The following ACYP2 variants were observed in gnomAD, a reference collection of about 807,000 sequenced individuals.
ACYP2 encodes the protein acylphosphatase 2.
A neutral mutation model predicts 11.2 loss-of-function variants in ACYP2; 12 were observed. That is an observed-to-expected ratio of 1.08 (90% CI 0.69 to 1.74). The LOEUF is 1.74. Ranked by LOEUF, ACYP2 falls within the 40% of genes most tolerant of loss-of-function variation. The probability of loss-of-function intolerance (pLI) is 0.00; values close to 1 mark genes in which losing one functional copy is unlikely to be tolerated. For missense variants in ACYP2, 134 were observed against 101.9 expected, an observed-to-expected ratio of 1.31 and a Z score of -1.35; for synonymous variants, 43 against 32.2, an observed-to-expected ratio of 1.33 and a Z score of -1.13.
intron 2 of ACYP2, among the ~76,000 whole-genome samples, chr2:54,033,024 G>GTGT (rs1260827742): frequency 6.6e-6 from 1 of 152,164 alleles, no homozygotes; most frequent in East Asian, 1.9e-4. Context: ...TGTATGTACA[G>GTGT]TGTTGGGTAT....
At chr2:54,194,275 A>G (rs772410360) in intron 6 of ACYP2, among the ~76,000 whole-genome samples, 24 of 152,070 alleles carry the variant, frequency 1.6e-4, no homozygotes, top group Admixed American at 4.6e-4. Context: ...CCTGACCTCA[A>G]GTGATCCACC....
intron 4 of ACYP2, among the ~76,000 whole-genome samples, chr2:54,070,024 G>A (rs530180559): frequency 2.0e-5 from 3 of 152,040 alleles, no homozygotes; most frequent in South Asian, 2.1e-4. Flanking sequence ...TAATCCCAGC[G>A]CTTTGGGAGG....
intron 4 of ACYP2, among the ~76,000 whole-genome samples, chr2:54,075,335 C>G (rs1226624498): frequency 1.3e-5 from 2 of 152,074 alleles, no homozygotes; most frequent in Non-Finnish European, 2.9e-5. Flanking sequence ...CCCGTTTCTA[C>G]TAAAAATACA....
chr2:54,191,109 T>C (rs1360282988), intron 6 of ACYP2, among the ~76,000 whole-genome samples: 2 of 152,136 alleles, frequency 1.3e-5, no homozygotes, highest in South Asian at 2.1e-4. Flanking sequence ...TCTGAGACTA[T>C]TGCAGTAGCT....
chr2:53,979,537 G>A (rs1671651117), intron 2 of ACYP2, among the ~76,000 whole-genome samples: 1 of 151,420 alleles, frequency 6.6e-6, no homozygotes, highest in Admixed American at 6.6e-5. Context: ...TGAGGCAGGA[G>A]AATCACTTGA....
chr2:54,046,598 CA>C (rs1675538499), intron 2 of ACYP2, among the ~76,000 whole-genome samples: 2 of 151,546 alleles, frequency 1.3e-5, no homozygotes, highest in South Asian at 2.1e-4. Flanking sequence ...ACGGCCTCGA[CA>C]AAATATTTGT....
intron 6 of ACYP2, among the ~76,000 whole-genome samples, chr2:54,295,358 C>T (rs563826849): frequency 2.5e-4 from 38 of 152,298 alleles, no homozygotes; most frequent in African/African-American, 9.1e-4. Flanking sequence ...TCAGAAGGGA[C>T]TACCATGAGT....
rs188133965 is a variant in ACYP2, at chr2:54,238,489, G to T, written c.405-66199G>T. 3.0e-4 allele frequency among the ~76,000 whole-genome samples: 45 copies of T among 152,208 alleles called. 1 individual carries two copies. The highest frequency in any genetic ancestry group is 6.9e-3 in the Middle Eastern group (2 of 290). ...GAAGGCAGAATAACAAACTAAGTAA[G>T]TCTTTTAATTTGTATGGTCTATATT... On this transcript the variant is annotated intron_variant, in intron 6 of 6. Coordinates refer to ENST00000607452, the MANE Select transcript of ACYP2 (RefSeq NM_001320586.2).
intron 2 of ACYP2, among the ~76,000 whole-genome samples, chr2:54,032,033 G>T (rs2104554953): frequency 6.6e-6 from 1 of 152,244 alleles, no homozygotes; most frequent in African/African-American, 2.4e-5. Context: ...TTAGCCCTTT[G>T]TCAGATGAGT....
intron 6 of ACYP2, among the ~76,000 whole-genome samples, chr2:54,242,338 A>G (rs1414108214): frequency 1.3e-5 from 2 of 152,222 alleles, no homozygotes; most frequent in Non-Finnish European, 2.9e-5. Context: ...TTTGCTCATC[A>G]TTGATGTCCT....
At chr2:54,135,570 A>G in intron 5 of ACYP2, 101 bp downstream of exon 2, 1 of 912,490 alleles carries the variant, frequency 1.1e-6, no homozygotes. Context: ...TCTACTGTTT[A>G]CTCCCTGTCC....
At chr2:53,990,954 G>A (rs779029599) in intron 2 of ACYP2, among the ~76,000 whole-genome samples, 18 of 151,802 alleles carry the variant, frequency 1.2e-4, no homozygotes, top group African/African-American at 3.4e-4. Context: ...CCGCCACCAC[G>A]CCCGGCTAAT....
At chr2:54,039,792 G>A (rs756487663) in intron 2 of ACYP2, among the ~76,000 whole-genome samples, 39 of 147,618 alleles carry the variant, frequency 2.6e-4, no homozygotes, top group Non-Finnish European at 4.5e-5. Flanking sequence ...TGTCACTCAG[G>A]CTTCTGTGTT....
intron 6 of ACYP2, among the ~76,000 whole-genome samples, chr2:54,187,486 G>A (rs1234526450): frequency 1.3e-5 from 2 of 152,174 alleles, no homozygotes; most frequent in African/African-American, 4.8e-5. Context: ...CAGAACCAGG[G>A]GCTGCTTGCG....
chr2:54,189,383 T>C (rs1411610906), intron 6 of ACYP2, among the ~76,000 whole-genome samples: 1 of 152,222 alleles, frequency 6.6e-6, no homozygotes, highest in Non-Finnish European at 1.5e-5. Flanking sequence ...TATTTGACTT[T>C]TTAAGATTTC....
chr2:53,991,310 A>G (rs1250298824), intron 2 of ACYP2, among the ~76,000 whole-genome samples: 1 of 152,244 alleles, frequency 6.6e-6, no homozygotes. Context: ...TAAAGCTTCA[A>G]TAAATATTCA....
chr2:54,285,748 A>G (rs546672965), intron 6 of ACYP2, among the ~76,000 whole-genome samples: 2 of 152,326 alleles, frequency 1.3e-5, no homozygotes, highest in East Asian at 3.9e-4. Context: ...GGCAGCTGCT[A>G]GAAAACCTTT....
chr2:54,236,682 T>G (rs1180211226), intron 6 of ACYP2, among the ~76,000 whole-genome samples: 1 of 152,224 alleles, frequency 6.6e-6, no homozygotes, highest in Non-Finnish European at 1.5e-5. Flanking sequence ...GTATTGTATT[T>G]GTGACTATTA....
intron 6 of ACYP2, among the ~76,000 whole-genome samples, chr2:54,273,270 T>C (rs1688395984): frequency 6.6e-6 from 1 of 152,238 alleles, no homozygotes; most frequent in Non-Finnish European, 1.5e-5. Flanking sequence ...CGTCTGTAAT[T>C]TAAACATACA....
Sources: allele counts gnomAD v4.1 joint callset (sites outside exome capture counted in the v4.1 genomes callset), GRCh38; gene constraint gnomAD v4.1.1; transcripts MANE v1.5; gene names NCBI Gene and HGNC (gene_info 2026-07-23, HGNC 2026-07-21).